The following SLC25A18 variants were observed in gnomAD, a reference collection of about 807,000 sequenced individuals.
SLC25A18 encodes the protein mitochondrial glutamate carrier 2.
Under a neutral mutation model 31.1 loss-of-function variants are expected in SLC25A18, and 24 were observed. The ratio of observed to expected loss-of-function variants is 0.77; its 90% CI spans 0.56 to 1.08. The LOEUF (loss-of-function observed/expected upper bound fraction) is 1.08. Ranked by LOEUF, SLC25A18 falls within the 50% of genes least tolerant of loss-of-function variation. SLC25A18 has a pLI of 0.00. For synonymous variants in SLC25A18, 173 were observed against 161.9 expected (o/e 1.07, Z -0.52); for missense variants, 371 against 418.5 (o/e 0.89, Z 0.99).
At chr22:17,567,959 A>C (rs987972796) in intron 1 of SLC25A18, among the ~76,000 whole-genome samples, 25 of 151,908 alleles carry the variant, frequency 1.6e-4, no homozygotes, top group African/African-American at 6.0e-4. Context: ...GTCGTTTATA[A>C]CCTGATGGGT....
Position 17,568,725 on chromosome 22 carries a change from CT to C in SLC25A18, c.-263-1198del, listed in dbSNP as rs375547081. On this transcript the variant is annotated intron_variant, in intron 1 of 10. Transcript: ENST00000327451. The stretch of plus-strand genomic sequence containing the variant: ...TACACGCGCCTGCCACCACGCCTGA[CT>C]AATTTTTTGTATTTTTAGTAGAAAC... 5.4e-4 allele frequency among the ~76,000 whole-genome samples: 81 copies of C among 151,274 alleles called. 3 individuals are homozygous for C. In the South Asian group the frequency reaches 0.016, roughly 31 times the overall value.
In SLC25A18 at chr22:17,590,214, G is replaced by A. The variant is rs140365489; in HGVS notation, c.926G>A (p.Arg309His). The change falls in exon 11 of 11, where the codon CGC becomes CAC. Residue 309 changes from arginine (R) to histidine (H), a missense_variant. Coordinates refer to ENST00000327451, the MANE Select transcript of SLC25A18 (RefSeq NM_031481.3). Reference sequence around the variant, plus strand: ...GTCTATTTTATTGGGATTGGAGAGCGCATCTTAAAGTGTTTTGACTAGACA... The same window carrying A: ...GTCTATTTTATTGGGATTGGAGAGCACATCTTAAAGTGTTTTGACTAGACA... ...QGVYFIGIGE[R>H]ILKCFD 81 of 1,614,072 alleles carry A rather than the reference G, an allele frequency of 5.0e-5. No homozygotes were observed. The East Asian group carries it at 8.9e-4, about 18-fold the overall frequency.
rs557436701 is a variant in SLC25A18, at chr22:17,580,929, G to A, written c.21-108G>A. ...GAAGAGGGTCTCTGGACACCTGTGGGGCTGGGGTTCCCCACTGTCTGTGCC... is the reference window on the plus strand; with the variant it reads ...GAAGAGGGTCTCTGGACACCTGTGGAGCTGGGGTTCCCCACTGTCTGTGCC... On this transcript the variant is annotated intron_variant, in intron 3 of 10. Coordinates refer to ENST00000327451, the MANE Select transcript of SLC25A18 (RefSeq NM_031481.3). The A allele has an allele frequency of 5.6e-5, 81 of 1,458,474 alleles. No homozygotes were observed. The African/African-American group carries it at 1.1e-3, about 21-fold the overall frequency. The allele number at this position is 1,458,474 out of a possible 1,614,324, so 90.3% of individuals were successfully genotyped here.
chr22:17,581,749 G>C (rs2146252428), intron 5 of SLC25A18: 2 of 308,490 alleles, frequency 6.5e-6, no homozygotes, highest in South Asian at 5.7e-5. Context: ...GTTCTGGGTG[G>C]CTCCTCCCCA....
intron 7 of SLC25A18, 85 bp from the exon 8 acceptor site, chr22:17,587,050 AG>A: frequency 6.8e-7 from 1 of 1,470,940 alleles, no homozygotes; most frequent in African/African-American, 1.4e-5. Flanking sequence ...GAACTGTCCC[AG>A]GGGCAGGGAT....
intron 1 of SLC25A18, chr22:17,569,516 C>A: frequency 1.4e-6 from 1 of 691,818 alleles, no homozygotes; most frequent in Non-Finnish European, 1.8e-6. Flanking sequence ...GACTGAGAAG[C>A]AGAGATTTGC....
chr22:17,581,259 TG>T, intron 4 of SLC25A18, 98 bp from the exon 5 acceptor site: 1 of 1,583,588 alleles, frequency 6.3e-7, no homozygotes, highest in Non-Finnish European at 8.6e-7. Context: ...GCCTGGGGGC[TG>T]GGGATCTGAT....
At chr22:17,568,850 C>A (rs2057012394) in intron 1 of SLC25A18, among the ~76,000 whole-genome samples, 1 of 151,756 alleles carries the variant, frequency 6.6e-6, no homozygotes, top group Admixed American at 6.6e-5. Context: ...CGTGAGCAAC[C>A]GTGCCCGGCC....
chr22:17,565,749 C>T (rs1407040112), intron 1 of SLC25A18, among the ~76,000 whole-genome samples: 1 of 152,108 alleles, frequency 6.6e-6, no homozygotes, highest in Non-Finnish European at 1.5e-5. Flanking sequence ...TGCCTGTAAT[C>T]CCAGCTTCTC....
chr22:17,585,656 T>TA (rs1601338326), intron 7 of SLC25A18, among the ~76,000 whole-genome samples: 219 of 136,624 alleles, frequency 1.6e-3, no homozygotes, highest in South Asian at 4.6e-3. Context: ...TATTATTTTT[T>TA]TTTTTTTTTT....
intron 2 of SLC25A18, among the ~76,000 whole-genome samples, chr22:17,579,245 C>T (rs527242174): frequency 2.0e-5 from 3 of 152,154 alleles, no homozygotes; most frequent in South Asian, 4.1e-4. Context: ...CACCACCACA[C>T]CCAGCTAATT....
Position 17,589,506 on chromosome 22 carries a change from C to T in SLC25A18, c.731-84C>T, listed in dbSNP as rs2057655222. ...GTCAGTTTTATATGTGGTGGCTCTA[C>T]AGGAGGGCCCAGCCCCTTAGTGTTG... On this transcript the variant is annotated intron_variant, in intron 9 of 10. Coordinates refer to ENST00000327451, the MANE Select transcript of SLC25A18 (RefSeq NM_031481.3). The T allele has an allele frequency of 7.9e-6, 10 of 1,265,420 alleles. No homozygotes were observed. In the Admixed American group the frequency reaches 1.9e-4, roughly 24 times the overall value. 78.4% of individuals were successfully genotyped at this position (1,265,420 alleles called of 1,614,324 possible). A position where few individuals can be genotyped will look rare whatever the true frequency, so the allele number is the denominator to read the frequency against.
At chr22:17,584,617 T>G (rs1485700821) in intron 7 of SLC25A18, among the ~76,000 whole-genome samples, 1 of 150,074 alleles carries the variant, frequency 6.7e-6, no homozygotes, top group African/African-American at 2.5e-5. Flanking sequence ...CCGTCTCTAC[T>G]AAAAATACAA....
Position 17,564,549 on chromosome 22 carries a change from TAAAA to T in SLC25A18, c.-264+841_-264+844del, listed in dbSNP as rs764257790. 3.3e-5 allele frequency among the ~76,000 whole-genome samples: 5 copies of T among 151,982 alleles called. No homozygotes were observed. The South Asian group carries it at 1.0e-3, about 32-fold the overall frequency. On this transcript the variant is annotated intron_variant, in intron 1 of 10. Coordinates refer to ENST00000327451, the MANE Select transcript of SLC25A18 (RefSeq NM_031481.3). ...AAGAATACAAACAGTTTATATAAAG[TAAAA>T]AAAATTTTTAGAAAGGACTTAAGTT... is the stretch of plus-strand genomic sequence containing the variant.
intron 6 of SLC25A18, among the ~76,000 whole-genome samples, chr22:17,582,874 C>T (rs778547534): frequency 1.3e-5 from 2 of 152,140 alleles, no homozygotes; most frequent in Non-Finnish European, 2.9e-5. Flanking sequence ...GAACATATAG[C>T]ATATACAGAC....
chr22:17,572,823 A>G (rs1416181986), intron 2 of SLC25A18, among the ~76,000 whole-genome samples: 1 of 151,200 alleles, frequency 6.6e-6, no homozygotes, highest in African/African-American at 2.4e-5. Flanking sequence ...TTGTATTTTT[A>G]GTAGAGACGG....
At chr22:17,585,652 T>TA (rs1460757139) in intron 7 of SLC25A18, among the ~76,000 whole-genome samples, 4,840 of 120,778 alleles carry the variant, frequency 0.04, 200 homozygotes, top group African/African-American at 0.14. Flanking sequence ...TTATTATTAT[T>TA]TTTTTTTTTT....
chr22:17,583,162 C>A (rs980671067), intron 6 of SLC25A18, among the ~76,000 whole-genome samples: 1 of 152,220 alleles, frequency 6.6e-6, no homozygotes, highest in Admixed American at 6.5e-5. Context: ...TCAAGGACAA[C>A]GCCTGGTCTG....
intron 2 of SLC25A18, among the ~76,000 whole-genome samples, chr22:17,572,019 G>GA (rs909535548): frequency 0.01 from 1,441 of 140,266 alleles, 23 homozygotes; most frequent in African/African-American, 0.033. Flanking sequence ...TCCCGTCTCA[G>GA]AAAAAAAAAA....
Sources: gnomAD v4.1 joint callset for allele counts (sites outside exome capture counted in the v4.1 genomes callset) on GRCh38, gnomAD v4.1.1 for gene constraint, MANE v1.5 for transcripts, NCBI Gene and HGNC (gene_info 2026-07-23, HGNC 2026-07-21) for gene names.